Variants in GNB4 observed in about 807,000 individuals in gnomAD.
GNB4 encodes the protein guanine nucleotide-binding protein subunit beta-4.
A neutral mutation model predicts 45.2 loss-of-function variants in GNB4; 28 were observed. That is an observed-to-expected ratio of 0.62 (90% CI 0.46 to 0.85). The LOEUF is 0.85. Among genes scored for constraint, GNB4 ranks in the 40% least tolerant of loss-of-function variants. GNB4 has a pLI of 0.00. For synonymous variants in GNB4, 132 were observed against 143.7 expected, an observed-to-expected ratio of 0.92 and a Z score of 0.58; for missense variants, 321 against 425.4, an observed-to-expected ratio of 0.75 and a Z score of 2.16.
the GNB4 span, among the ~76,000 whole-genome samples, chr3:179,470,913 C>T: frequency 6.6e-6 from 1 of 152,180 alleles, no homozygotes; most frequent in Non-Finnish European, 1.5e-5. Context: ...GGCGCCGTGG[C>T]TTACGCCTGT....
At chr3:179,518,227 C>T in the GNB4 span, among the ~76,000 whole-genome samples, 39 of 152,272 alleles carry the variant, frequency 2.6e-4, no homozygotes, top group Non-Finnish European at 4.9e-4. Flanking sequence ...AATACAAACT[C>T]GACAGTAGTT....
chr3:179,472,374 T>C, the GNB4 span, among the ~76,000 whole-genome samples: 1 of 144,228 alleles, frequency 6.9e-6, no homozygotes, highest in Non-Finnish European at 1.5e-5. Flanking sequence ...TTCTTTCTTT[T>C]TTTTTTTTTT....
chr3:179,440,737 G>A (rs1182408050), intron 1 of GNB4, among the ~76,000 whole-genome samples: 1 of 152,108 alleles, frequency 6.6e-6, no homozygotes, highest in Non-Finnish European at 1.5e-5. Flanking sequence ...CCATTACCCA[G>A]TAAACTTTCA....
At chr3:179,506,780 T>A in the GNB4 span, among the ~76,000 whole-genome samples, 2 of 152,138 alleles carry the variant, frequency 1.3e-5, no homozygotes, top group Non-Finnish European at 2.9e-5. Flanking sequence ...CCTTTGTTAT[T>A]CTCTCTCTCA....
chr3:179,483,481 G>A, the GNB4 span, among the ~76,000 whole-genome samples: 1 of 152,054 alleles, frequency 6.6e-6, no homozygotes, highest in East Asian at 1.9e-4. Context: ...TATTATAGCT[G>A]AGCCTCAAAT....
At chr3:179,458,941 T>C in the GNB4 span, among the ~76,000 whole-genome samples, 1 of 152,210 alleles carries the variant, frequency 6.6e-6, no homozygotes, top group Non-Finnish European at 1.5e-5. Flanking sequence ...TACTTTAGTA[T>C]TTCCCCTTTG....
At chr3:179,485,255 G>A in the GNB4 span, among the ~76,000 whole-genome samples, 16,350 of 151,744 alleles carry the variant, frequency 0.11, 1,396 homozygotes, top group African/African-American at 0.23. Context: ...CTCGTGATCC[G>A]CCCGCCTCGG....
chr3:179,427,784 C>G (rs1009059355), intron 1 of GNB4, among the ~76,000 whole-genome samples: 8 of 151,900 alleles, frequency 5.3e-5, no homozygotes, highest in African/African-American at 1.9e-4. Context: ...ATCACAGAAC[C>G]AAAAGACAGG....
the GNB4 span, among the ~76,000 whole-genome samples, chr3:179,466,007 GTTTT>G: frequency 5.5e-5 from 5 of 90,904 alleles, no homozygotes; most frequent in African/African-American, 1.3e-4. Context: ...TCCTCTAGTC[GTTTT>G]TTTTTTTTTT....
chr3:179,408,589 A>G (rs1430642312), intron 8 of GNB4, among the ~76,000 whole-genome samples: 1 of 151,990 alleles, frequency 6.6e-6, no homozygotes, highest in Non-Finnish European at 1.5e-5. Flanking sequence ...TCAGGAGTTC[A>G]AGACCAGCCT....
intron 2 of GNB4, 131 bp downstream of exon 2, chr3:179,426,013 G>A (rs915438125): frequency 1.6e-5 from 11 of 677,120 alleles, no homozygotes; most frequent in East Asian, 3.0e-5. Flanking sequence ...TTCTTACTTC[G>A]CCATGTGAGA....
At chr3:179,423,199 G>C (rs1185800820) in intron 2 of GNB4, among the ~76,000 whole-genome samples, 2 of 152,290 alleles carry the variant, frequency 1.3e-5, no homozygotes, top group South Asian at 4.2e-4. Context: ...GTGAGCACCT[G>C]CGCCCACGAC....
the GNB4 span, among the ~76,000 whole-genome samples, chr3:179,497,821 A>G: frequency 6.6e-6 from 1 of 152,222 alleles, no homozygotes; most frequent in Non-Finnish European, 1.5e-5. Context: ...ATCATCAGGA[A>G]AATGCAAAGC....
chr3:179,503,745 G>T, the GNB4 span, among the ~76,000 whole-genome samples: 4 of 152,200 alleles, frequency 2.6e-5, no homozygotes, highest in Non-Finnish European at 5.9e-5. Flanking sequence ...TTCATGGTGG[G>T]TTGGCTTATT....
At chr3:179,457,018 G>A in the GNB4 span, among the ~76,000 whole-genome samples, 25 of 152,312 alleles carry the variant, frequency 1.6e-4, no homozygotes, top group African/African-American at 5.8e-4. Flanking sequence ...GGTAAGAAAA[G>A]ATGAAAAGGA....
chr3:179,476,008 A>G, the GNB4 span, among the ~76,000 whole-genome samples: 2 of 152,314 alleles, frequency 1.3e-5, no homozygotes, highest in Middle Eastern at 3.4e-3. Flanking sequence ...CAATAGCCCC[A>G]AAAGGTTTTA....
the GNB4 span, among the ~76,000 whole-genome samples, chr3:179,514,242 A>C: frequency 1.2e-4 from 18 of 152,298 alleles, no homozygotes; most frequent in Middle Eastern, 3.4e-3. Flanking sequence ...TGGGTCAGAG[A>C]TATAGGTATG....
At position 179,399,947 on chromosome 3, in the gene GNB4, A is replaced by G. The variant is rs1329468628; in HGVS notation, c.*1266T>C. 1.3e-5 allele frequency: 2 copies of G among 152,236 alleles called. No homozygotes were observed. The highest frequency in any genetic ancestry group is 4.8e-5 in the African/African-American group (2 of 41,462). The allele number at this position is 152,236 out of a possible 1,614,324, so 9.4% of individuals were successfully genotyped here. A position where few individuals can be genotyped will look rare whatever the true frequency, so the allele number is the denominator to read the frequency against. On this transcript the variant is annotated 3_prime_UTR_variant, in exon 10 of 10. Transcript: ENST00000232564. ...GACTTCTAGTAAGAGACACATTATT[A>G]TACCACAGAAAAACTGTTTAATATA...
Position 179,399,610 on chromosome 3 carries a change from A to T in GNB4, c.*1603T>A, listed in dbSNP as rs937001433. The T allele has an allele frequency of 1.3e-5, 2 of 152,210 alleles. No individual in the cohort carries two copies. Among genetic ancestry groups the T allele is most frequent in the Admixed American group, 6.5e-5 (1 of 15,288 alleles). 9.4% of individuals were successfully genotyped at this position (152,210 alleles called of 1,614,324 possible). A position where few individuals can be genotyped will look rare whatever the true frequency, so the allele number is the denominator to read the frequency against. On this transcript the variant is annotated 3_prime_UTR_variant, in exon 10 of 10. Coordinates refer to ENST00000232564, the MANE Select transcript of GNB4 (RefSeq NM_021629.4). ...TTAATTTGCCTTTATCCACTTTATT[A>T]TTCTAATTGTCAACTGATTTTAATA...
Sources: allele counts gnomAD v4.1 joint callset (sites outside exome capture counted in the v4.1 genomes callset), GRCh38; gene constraint gnomAD v4.1.1; transcripts MANE v1.5; gene names NCBI Gene and HGNC (gene_info 2026-07-23, HGNC 2026-07-21).